Variants in P3H2 observed in about 807,000 individuals in gnomAD.
P3H2 encodes the protein leprecan-like 1.
A neutral mutation model predicts 87.0 loss-of-function variants in P3H2; 80 were observed. The ratio of observed to expected loss-of-function variants is 0.92; its 90% CI spans 0.77 to 1.11. The LOEUF (loss-of-function observed/expected upper bound fraction) is 1.11. Among genes scored for constraint, P3H2 ranks in the 50% least tolerant of loss-of-function variants. P3H2 has a pLI of 0.00. For missense variants in P3H2, 1,001 were observed against 923.9 expected (o/e 1.08, Z -1.08); for synonymous variants, 367 against 359.3 (o/e 1.02, Z -0.24).
chr3:189,959,416 C>A (rs1722744556), intron 14 of P3H2, among the ~76,000 whole-genome samples: 1 of 124,320 alleles, frequency 8.0e-6, no homozygotes. Context: ...TCCCCCCACC[C>A]CACAACAGTC....
intron 1 of P3H2, among the ~76,000 whole-genome samples, chr3:190,051,699 C>A (rs1346162012): frequency 6.6e-6 from 1 of 152,218 alleles, no homozygotes; most frequent in Admixed American, 6.5e-5. Context: ...ACAAACATTA[C>A]TTTCAAATCA....
At chr3:190,091,390 T>C (rs890976016) in intron 1 of P3H2, among the ~76,000 whole-genome samples, 2 of 152,252 alleles carry the variant, frequency 1.3e-5, no homozygotes, top group Non-Finnish European at 2.9e-5. Flanking sequence ...TTAATGACTA[T>C]ACACTCTCAA....
chr3:190,003,628 G>A (rs1227390725), intron 1 of P3H2, among the ~76,000 whole-genome samples: 1 of 152,182 alleles, frequency 6.6e-6, no homozygotes, highest in Non-Finnish European at 1.5e-5. Context: ...AATGGCTGCT[G>A]GGTAAGAAGG....
chr3:190,054,686 C>T (rs1207707149), intron 1 of P3H2, among the ~76,000 whole-genome samples: 1 of 152,108 alleles, frequency 6.6e-6, no homozygotes, highest in African/African-American at 2.4e-5. Flanking sequence ...CTGAATTTTT[C>T]ACCCATTCAT....
intron 13 of P3H2, among the ~76,000 whole-genome samples, chr3:189,970,066 T>C (rs908201317): frequency 2.7e-5 from 4 of 150,744 alleles, no homozygotes; most frequent in Non-Finnish European, 5.9e-5. Context: ...GTCGTTGAAT[T>C]GAACTTTTGA....
At chr3:190,054,767 C>T (rs1445634217) in intron 1 of P3H2, among the ~76,000 whole-genome samples, 1 of 152,076 alleles carries the variant, frequency 6.6e-6, no homozygotes, top group Non-Finnish European at 1.5e-5. Flanking sequence ...CAGGCACTGC[C>T]CCCATCCCCT....
chr3:190,053,606 C>CG (rs1726054675), intron 1 of P3H2, among the ~76,000 whole-genome samples: 1 of 151,712 alleles, frequency 6.6e-6, no homozygotes, highest in Non-Finnish European at 1.5e-5. Flanking sequence ...TACAGGTACC[C>CG]GCCACCATGC....
chr3:190,084,391 T>C (rs1727145675), intron 1 of P3H2, among the ~76,000 whole-genome samples: 1 of 152,206 alleles, frequency 6.6e-6, no homozygotes, highest in Non-Finnish European at 1.5e-5. Context: ...ACTAATAGCA[T>C]TATTTTGTAT....
chr3:190,040,350 G>A (rs1725569974), intron 1 of P3H2, among the ~76,000 whole-genome samples: 1 of 152,194 alleles, frequency 6.6e-6, no homozygotes, highest in Non-Finnish European at 1.5e-5. Context: ...GTGCACACAG[G>A]ATTACCTGAG....
upstream of P3H2, chr3:190,122,225 A>G (rs562246903): frequency 6.6e-6 from 1 of 151,550 alleles, no homozygotes; most frequent in South Asian, 2.1e-4. Context: ...AGCAATCTGC[A>G]TCAATCTAGG....
intron 1 of P3H2, among the ~76,000 whole-genome samples, chr3:190,073,624 G>C (rs1726777745): frequency 6.6e-6 from 1 of 152,214 alleles, no homozygotes; most frequent in Admixed American, 6.5e-5. Flanking sequence ...AGAAACTGCA[G>C]TGTGGTCAAG....
chr3:190,003,993 G>A (rs1724299802), intron 1 of P3H2, among the ~76,000 whole-genome samples: 1 of 152,132 alleles, frequency 6.6e-6, no homozygotes, highest in South Asian at 2.1e-4. Context: ...CCATGACTAT[G>A]GTAGTAGTCA....
intron 1 of P3H2, among the ~76,000 whole-genome samples, chr3:190,107,596 C>A (rs1032162035): frequency 9.9e-5 from 15 of 152,080 alleles, no homozygotes; most frequent in African/African-American, 3.6e-4. Flanking sequence ...ATTTGGAGAA[C>A]TGTAAAAGGG....
At position 190,041,092 on chromosome 3, in the gene P3H2, T is replaced by G. The variant is rs1212002349; in HGVS notation, c.481-45650A>C. On this transcript the variant is annotated intron_variant, in intron 1 of 14. Transcript: ENST00000319332. ...CACACACACACACACTCTCTCTCTCTATATATATATATATACTATATATAT... is the reference window on the plus strand; with the variant it reads ...CACACACACACACACTCTCTCTCTCGATATATATATATATACTATATATAT... Among the ~76,000 whole-genome samples, 2 of 30,104 alleles carry G rather than the reference T, an allele frequency of 6.6e-5. 1 individual carries two copies. The highest frequency in any genetic ancestry group is 1.4e-4 in the Non-Finnish European group (2 of 14,270). 19.7% of individuals were successfully genotyped at this position (30,104 alleles called of 152,430 possible).
intron 1 of P3H2, among the ~76,000 whole-genome samples, chr3:190,046,273 A>T (rs1314776815): frequency 6.6e-6 from 1 of 152,162 alleles, no homozygotes; most frequent in Non-Finnish European, 1.5e-5. Flanking sequence ...TTCTGGTTGA[A>T]TCCTGACTTA....
chr3:190,051,811 G>GAGGGAGGCATTTCAGCCA (rs1725992732), intron 1 of P3H2, among the ~76,000 whole-genome samples: 1 of 152,180 alleles, frequency 6.6e-6, no homozygotes, highest in African/African-American at 2.4e-5. Flanking sequence ...CAAAAATGCT[G>GAGGGAGGCATTTCAGCCA]AGGGAGGCAT....
At chr3:190,094,795 G>A (rs1577320789) in intron 1 of P3H2, among the ~76,000 whole-genome samples, 1 of 152,182 alleles carries the variant, frequency 6.6e-6, no homozygotes, top group Non-Finnish European at 1.5e-5. Flanking sequence ...AAAGGAAGAG[G>A]ACCACTTTTC....
intron 1 of P3H2, among the ~76,000 whole-genome samples, chr3:190,007,001 G>C (rs1009369587): frequency 2.0e-5 from 3 of 152,178 alleles, no homozygotes; most frequent in African/African-American, 7.2e-5. Context: ...TGTGAATGTA[G>C]TCATAAAAAT....
chr3:189,993,998 A>G (rs1368694327), intron 3 of P3H2, 96 bp downstream of exon 3: 5 of 905,278 alleles, frequency 5.5e-6, no homozygotes, highest in Non-Finnish European at 8.6e-6. Flanking sequence ...TTATTTTTAC[A>G]GTATATTCTT....
Sources: allele counts gnomAD v4.1 joint callset (sites outside exome capture counted in the v4.1 genomes callset), GRCh38; gene constraint gnomAD v4.1.1; transcripts MANE v1.5; gene names NCBI Gene and HGNC (gene_info 2026-07-23, HGNC 2026-07-21).